The following ZNF536 variants were observed in gnomAD, a reference collection of about 807,000 sequenced individuals.
ZNF536 encodes the protein zinc finger protein 536.
In ZNF536, 13 loss-of-function variants were observed where a neutral mutation model predicts 84.5. That is an observed-to-expected ratio of 0.15 (90% confidence interval 0.10 to 0.24). The LOEUF is 0.24. Ranked by LOEUF, ZNF536 falls within the 10% of genes least tolerant of loss-of-function variation. The probability of loss-of-function intolerance (pLI) is 1.00; values close to 1 mark genes in which losing one functional copy is unlikely to be tolerated. For synonymous variants in ZNF536, 811 were observed against 742.5 expected (o/e 1.09, Z -1.50); for missense variants, 1,536 against 1,747.5 (o/e 0.88, Z 2.16).
chr19:30,310,818 C>G (rs954218395), intron 2 of ZNF536, among the ~76,000 whole-genome samples: 7 of 152,206 alleles, frequency 4.6e-5, no homozygotes, highest in Non-Finnish European at 1.0e-4. Flanking sequence ...ACTTTCTTCT[C>G]TATGAACTCA....
intron 1 of ZNF536, among the ~76,000 whole-genome samples, chr19:30,268,424 G>T (rs1321676268): frequency 2.2e-4 from 33 of 152,100 alleles, no homozygotes; most frequent in Admixed American, 2.2e-3. Context: ...TCCTGGTGTG[G>T]TTTTGACAAC....
intron 1 of ZNF536, among the ~76,000 whole-genome samples, chr19:30,685,595 C>T (rs1043812778): frequency 1.7e-4 from 26 of 152,100 alleles, no homozygotes; most frequent in African/African-American, 6.0e-4. Flanking sequence ...AGCCAAGTCA[C>T]GATTTTAAAA....
chr19:30,683,427 T>TA (rs1172132619), intron 1 of ZNF536, among the ~76,000 whole-genome samples: 4 of 152,224 alleles, frequency 2.6e-5, no homozygotes, highest in African/African-American at 9.6e-5. Context: ...CAAGGAGTGT[T>TA]ATGGTGTTAG....
At chr19:30,609,409 G>A (rs1220218302) in intron 1 of ZNF536, among the ~76,000 whole-genome samples, 1 of 152,176 alleles carries the variant, frequency 6.6e-6, no homozygotes, top group Non-Finnish European at 1.5e-5. Context: ...TATTTTTGTA[G>A]AGCTAAATTC....
intron 1 of ZNF536, among the ~76,000 whole-genome samples, chr19:30,594,427 C>T (rs2047378362): frequency 6.6e-6 from 1 of 152,202 alleles, no homozygotes; most frequent in Non-Finnish European, 1.5e-5. Context: ...TCTTTCCCTC[C>T]TCAGTCTCCC....
intron 1 of ZNF536, among the ~76,000 whole-genome samples, chr19:30,584,941 T>A (rs1336237583): frequency 6.6e-6 from 1 of 151,854 alleles, no homozygotes; most frequent in Non-Finnish European, 1.5e-5. Context: ...ACAAAAATAC[T>A]TAAAAATTAG....
intron 1 of ZNF536, among the ~76,000 whole-genome samples, chr19:30,271,299 C>CTTTTT (rs781528411): frequency 5.6e-4 from 63 of 111,808 alleles, no homozygotes; most frequent in Non-Finnish European, 8.9e-4. Context: ...TTTTTCTTTT[C>CTTTTT]TTTTTTTTTT....
At chr19:30,346,091 C>A (rs143155538) in intron 2 of ZNF536, among the ~76,000 whole-genome samples, 1 of 152,136 alleles carries the variant, frequency 6.6e-6, no homozygotes, top group East Asian at 1.9e-4. Context: ...TCACTGCCAT[C>A]GGAAAGGCTG....
intron 1 of ZNF536, among the ~76,000 whole-genome samples, chr19:30,430,422 G>A (rs2051403919): frequency 6.6e-6 from 1 of 152,168 alleles, no homozygotes; most frequent in Non-Finnish European, 1.5e-5. Flanking sequence ...GTCACAGTGT[G>A]GCCCTCATGG....
chr19:30,410,599 C>T (rs1222442263), intron 1 of ZNF536, among the ~76,000 whole-genome samples: 1 of 151,858 alleles, frequency 6.6e-6, no homozygotes, highest in Non-Finnish European at 1.5e-5. Flanking sequence ...CTCAGCCTCC[C>T]GCGTAGCTGG....
At chr19:30,484,305 C>T (rs954462026) in intron 2 of ZNF536, among the ~76,000 whole-genome samples, 1 of 149,276 alleles carries the variant, frequency 6.7e-6, no homozygotes, top group South Asian at 2.1e-4. Flanking sequence ...CAGCTCACTG[C>T]AACCTCTGCC....
intron 1 of ZNF536, among the ~76,000 whole-genome samples, chr19:30,576,757 G>T (rs374711012): frequency 6.6e-6 from 1 of 152,198 alleles, no homozygotes; most frequent in East Asian, 1.9e-4. Flanking sequence ...CCTGGTCCAC[G>T]TGGGGACTGG....
chr19:30,338,880 T>A (rs1488271916), intron 2 of ZNF536, among the ~76,000 whole-genome samples: 1 of 152,150 alleles, frequency 6.6e-6, no homozygotes, highest in African/African-American at 2.4e-5. Flanking sequence ...GAGCATCAGT[T>A]TCCCTATGGA....
chr19:30,674,465 T>A (rs1026770232), intron 1 of ZNF536, among the ~76,000 whole-genome samples: 7 of 152,110 alleles, frequency 4.6e-5, no homozygotes, highest in African/African-American at 1.2e-4. Context: ...AGAGCCAGAG[T>A]TAAGAAATCA....
At chr19:30,481,878 C>T (rs1015594452) in intron 2 of ZNF536, among the ~76,000 whole-genome samples, 28 of 152,150 alleles carry the variant, frequency 1.8e-4, no homozygotes, top group African/African-American at 6.5e-4. Context: ...CCTTTGCCTC[C>T]TCATAACTTA....
At chr19:30,618,454 C>T (rs1323888550) in intron 1 of ZNF536, among the ~76,000 whole-genome samples, 4 of 152,142 alleles carry the variant, frequency 2.6e-5, no homozygotes, top group African/African-American at 9.7e-5. Flanking sequence ...ATATCCGTTT[C>T]ACTATACATA....
At chr19:30,344,027 G>T (rs557814731) in intron 2 of ZNF536, among the ~76,000 whole-genome samples, 2 of 152,084 alleles carry the variant, frequency 1.3e-5, no homozygotes, top group East Asian at 3.9e-4. Flanking sequence ...CATGGCCTGT[G>T]GTGAGACCCA....
chr19:30,291,466 G>T (rs963009311), intron 2 of ZNF536, among the ~76,000 whole-genome samples: 3 of 152,084 alleles, frequency 2.0e-5, no homozygotes, highest in African/African-American at 4.8e-5. Flanking sequence ...TCATATGTTT[G>T]TTGTCTGTAT....
At chr19:30,591,117 T>C (rs551981142) in intron 1 of ZNF536, among the ~76,000 whole-genome samples, 1 of 152,152 alleles carries the variant, frequency 6.6e-6, no homozygotes, top group African/African-American at 2.4e-5. Flanking sequence ...ACCCACTCAT[T>C]TGGTGGAAGA....
Sources: allele counts gnomAD v4.1 joint callset (sites outside exome capture counted in the v4.1 genomes callset), GRCh38; gene constraint gnomAD v4.1.1; transcripts MANE v1.5; gene names NCBI Gene and HGNC (gene_info 2026-07-23, HGNC 2026-07-21).